TLCD4: variants seen among roughly 807,000 people sequenced by gnomAD.
TLCD4 encodes the protein TLC domain-containing protein 4.
A neutral mutation model predicts 24.2 loss-of-function variants in TLCD4; 7 were observed. That is an observed-to-expected ratio of 0.29 (90% CI 0.16 to 0.54). TLCD4 has a LOEUF of 0.54. Ranked by LOEUF, TLCD4 falls within the 20% of genes least tolerant of loss-of-function variation. TLCD4 has a pLI of 0.95. For synonymous variants in TLCD4, 103 were observed against 106.4 expected (o/e 0.97, Z 0.20); for missense variants, 259 against 313.9 (o/e 0.82, Z 1.32).
chr1:95,179,910 C>A (rs1043039056), intron 6 of TLCD4, among the ~76,000 whole-genome samples: 1 of 152,248 alleles, frequency 6.6e-6, no homozygotes, highest in Middle Eastern at 3.2e-3. Flanking sequence ...CCATCTCTTT[C>A]CAGGCTGAAT....
At chr1:95,138,602 G>A (rs1472674062) in intron 1 of TLCD4, 1 of 152,040 alleles carries the variant, frequency 6.6e-6, no homozygotes. Flanking sequence ...CTACAAACCT[G>A]TACAGCATTT....
intron 1 of TLCD4, among the ~76,000 whole-genome samples, chr1:95,136,274 T>C (rs1677039474): frequency 6.6e-6 from 1 of 152,210 alleles, no homozygotes; most frequent in Admixed American, 6.5e-5. Context: ...AGTATTGTTG[T>C]TATACTGTTG....
At chr1:95,117,121 TTTGTGAC>T (rs1200800754), upstream of TLCD4, among the ~76,000 whole-genome samples, 1 of 152,146 alleles carries the variant, frequency 6.6e-6, no homozygotes, top group African/African-American at 2.4e-5. Context: ...GCTGGCAAGT[TTTGTGAC>T]TTGCTTTGGA....
chr1:95,126,129 TAA>T (rs35251348), intron 1 of TLCD4, among the ~76,000 whole-genome samples: 2 of 129,526 alleles, frequency 1.5e-5, no homozygotes, highest in African/African-American at 2.8e-5. Context: ...CCATCACTAT[TAA>T]AAAAAAAAAA....
intron 6 of TLCD4, among the ~76,000 whole-genome samples, chr1:95,190,529 A>G (rs1035246629): frequency 5.3e-5 from 8 of 151,938 alleles, no homozygotes; most frequent in Non-Finnish European, 7.4e-5. Flanking sequence ...GGGTTTCACT[A>G]TCTTGGCCAG....
Position 95,197,144 on chromosome 1 carries a change from G to A in TLCD4, c.*5276G>A, listed in dbSNP as rs1361027328. On this transcript the variant is annotated 3_prime_UTR_variant, in exon 7 of 7. Coordinates refer to ENST00000370203, the MANE Select transcript of TLCD4 (RefSeq NM_152487.3). ...CAAAATATACTTAATACCATTTTGAGAACATACCTTCTAATTTATTTCCAT... is the reference window on the plus strand; with the variant it reads ...CAAAATATACTTAATACCATTTTGAAAACATACCTTCTAATTTATTTCCAT... 1 of 152,046 alleles carries A rather than the reference G, an allele frequency of 6.6e-6. No homozygotes were observed. The highest frequency in any genetic ancestry group is 1.5e-5 in the Non-Finnish European group (1 of 67,984). 9.4% of individuals were successfully genotyped at this position (152,046 alleles called of 1,614,324 possible).
chr1:95,185,759 A>G (rs959854043), intron 6 of TLCD4, among the ~76,000 whole-genome samples: 4 of 152,228 alleles, frequency 2.6e-5, no homozygotes, highest in African/African-American at 7.2e-5. Flanking sequence ...ACATAAAATA[A>G]TGTTAATTGA....
At chr1:95,154,722 A>G (rs1677586246) in intron 5 of TLCD4, among the ~76,000 whole-genome samples, 1 of 151,972 alleles carries the variant, frequency 6.6e-6, no homozygotes, top group African/African-American at 2.4e-5. Context: ...CAAATAATCA[A>G]AAACCTTGAA....
intron 6 of TLCD4, among the ~76,000 whole-genome samples, chr1:95,174,603 G>C (rs1462811720): frequency 6.6e-6 from 1 of 151,922 alleles, no homozygotes; most frequent in African/African-American, 2.4e-5. Flanking sequence ...CGGAAGGATT[G>C]CATGAGTCCA....
the TLCD4 span, among the ~76,000 whole-genome samples, chr1:95,096,813 T>A: frequency 1.3e-5 from 2 of 152,338 alleles, no homozygotes; most frequent in East Asian, 3.9e-4. Flanking sequence ...TTTCTTCATT[T>A]ACCTCACCAG....
At chr1:95,132,239 G>C (rs906624058) in intron 1 of TLCD4, among the ~76,000 whole-genome samples, 1 of 152,120 alleles carries the variant, frequency 6.6e-6, no homozygotes, top group Non-Finnish European at 1.5e-5. Flanking sequence ...TGGATCACTA[G>C]AGGCCAGGAG....
At chr1:95,103,353 T>G in the TLCD4 span, among the ~76,000 whole-genome samples, 2 of 152,112 alleles carry the variant, frequency 1.3e-5, no homozygotes, top group African/African-American at 4.8e-5. Flanking sequence ...AACTCCTATG[T>G]AGGAAAGAAG....
Position 95,144,063 on chromosome 1 carries a change from C to A in TLCD4, c.155+7C>A. On this transcript the variant is annotated splice_region_variant and intron_variant, in intron 2 of 6. Transcript: ENST00000370203. Reference sequence around the variant, plus strand: ...AGATTGAATGGAACTCAAGGTAAAGCATATGAAAATGTAATTGATGACAAG... The same window carrying A: ...AGATTGAATGGAACTCAAGGTAAAGAATATGAAAATGTAATTGATGACAAG... The A allele has an allele frequency of 6.8e-7, 1 of 1,460,414 alleles. No homozygotes were observed. The highest frequency in any genetic ancestry group is 9.0e-7 in the Non-Finnish European group (1 of 1,106,494). 90.5% of individuals were successfully genotyped at this position (1,460,414 alleles called of 1,614,324 possible). A position where few individuals can be genotyped will look rare whatever the true frequency, so the allele number is the denominator to read the frequency against.
At chr1:95,131,089 T>A (rs1163214598) in intron 1 of TLCD4, among the ~76,000 whole-genome samples, 3 of 152,212 alleles carry the variant, frequency 2.0e-5, no homozygotes, top group Non-Finnish European at 4.4e-5. Flanking sequence ...ATAAATTACA[T>A]GGAAGACATT....
intron 1 of TLCD4, among the ~76,000 whole-genome samples, chr1:95,124,448 A>C (rs545752951): frequency 6.6e-6 from 1 of 152,298 alleles, no homozygotes; most frequent in East Asian, 1.9e-4. Context: ...CTATATTTGC[A>C]ATGGCCACAT....
chr1:95,161,470 A>AT (rs1231040900), intron 5 of TLCD4, among the ~76,000 whole-genome samples: 1 of 152,048 alleles, frequency 6.6e-6, no homozygotes, highest in African/African-American at 2.4e-5. Flanking sequence ...GGATTCATTG[A>AT]TTTTTTGAAG....
At chr1:95,098,977 C>G in the TLCD4 span, among the ~76,000 whole-genome samples, 1 of 135,006 alleles carries the variant, frequency 7.4e-6, no homozygotes, top group African/African-American at 2.8e-5. Flanking sequence ...AGGAGAATCA[C>G]TTGAAGCGGA....
At chr1:95,146,478 T>G (rs1194992221) in intron 2 of TLCD4, among the ~76,000 whole-genome samples, 1 of 152,124 alleles carries the variant, frequency 6.6e-6, no homozygotes, top group African/African-American at 2.4e-5. Context: ...TATTCTAAAA[T>G]AGTCATTAAT....
Position 95,143,917 on chromosome 1 carries a change from A to G in TLCD4, c.16A>G (p.Lys6Glu). The G allele has an allele frequency of 6.8e-7, 1 of 1,480,564 alleles. No individual in the cohort carries two copies. Among genetic ancestry groups the G allele is most frequent in the Non-Finnish European group, 9.0e-7 (1 of 1,115,314 alleles). The allele number at this position is 1,480,564 out of a possible 1,614,324, so 91.7% of individuals were successfully genotyped here. Reference sequence around the variant, plus strand: ...TTGAAGAAATATGGAGATCAACACAAAACTGCTCATCAGTGTTACCTGTAT... The same window carrying G: ...TTGAAGAAATATGGAGATCAACACAGAACTGCTCATCAGTGTTACCTGTAT... MEINTKLLISVTCISF... is the reference protein window; with the variant it reads MEINTELLISVTCISF... The change falls in exon 2 of 7, where the codon AAA (lysine) becomes GAA (glutamate). Residue 6 changes from lysine to glutamate, a missense_variant. By Grantham distance (56) the Lys-to-Glu change is moderately conservative (BLOSUM62 1). Transcript: ENST00000370203.
Sources: gnomAD v4.1 joint callset for allele counts (sites outside exome capture counted in the v4.1 genomes callset) on GRCh38, gnomAD v4.1.1 for gene constraint, MANE v1.5 for transcripts, NCBI Gene and HGNC (gene_info 2026-07-23, HGNC 2026-07-21) for gene names.